ARHGEF40: variants seen among roughly 807,000 people sequenced by gnomAD.
ARHGEF40 encodes Rho guanine nucleotide exchange factor 40, also known as Rho guanine nucleotide exchange factor (GEF) 40.
A neutral mutation model predicts 165.9 loss-of-function variants in ARHGEF40; 98 were observed. That is an observed-to-expected ratio of 0.59 (90% CI 0.50 to 0.70). ARHGEF40 has a LOEUF of 0.70. Ranked by LOEUF, ARHGEF40 falls within the 30% of genes least tolerant of loss-of-function variation. ARHGEF40 has a pLI of 0.00. For missense variants in ARHGEF40, 1,815 were observed against 1,968.0 expected (o/e 0.92, Z 1.47); for synonymous variants, 792 against 814.3 (o/e 0.97, Z 0.47).
chr14:21,074,340 G>C lies in ARHGEF40; in HGVS notation c.610G>C (p.Glu204Gln). The C allele has an allele frequency of 6.2e-7, 1 of 1,614,152 alleles. No homozygotes were observed. The highest frequency in any genetic ancestry group is 8.5e-7 in the Non-Finnish European group (1 of 1,180,028). Residue 204 changes from glutamate (E) to glutamine (Q), a missense_variant, in exon 3 of 24, where the codon GAA becomes CAA. Glu to Gln is a conservative substitution (Grantham distance 29). Transcript: ENST00000298694. This position sits in a 1 kb window ranked among gnomAD's most constrained non-coding sequence, Gnocchi z 4.8. The stretch of plus-strand genomic sequence containing the variant: ...ACATCAGCCAAGTACACTGCCCCCA[G>C]AACTGCCCTCTGGACCTCCAGGGCT... ...VGHQPSTLPP[E>Q]LPSGPPGLPS...
chr14:21,074,993 T>A lies in ARHGEF40; in HGVS notation c.1263T>A (p.Ser421Arg). The A allele has an allele frequency of 6.2e-7, 1 of 1,612,928 alleles. No individual in the cohort carries two copies. Among genetic ancestry groups the A allele is most frequent in the Non-Finnish European group, 8.5e-7 (1 of 1,179,710 alleles). The change falls in exon 3 of 24, where the codon AGT becomes AGA. Residue 421 changes from serine to arginine, a missense_variant. Physicochemically the swap from Ser to Arg is moderately radical, Grantham distance 110 (BLOSUM62 -1). Coordinates refer to ENST00000298694, the MANE Select transcript of ARHGEF40 (RefSeq NM_018071.5). This position sits in a 1 kb window ranked among gnomAD's most constrained non-coding sequence, Gnocchi z 4.8. ...QEALGNLPSP[S>R]EHKLPECHLV... Reference sequence around the variant, plus strand: ...CCCTTGGCAATCTGCCCTCACCAAGTGAGCACAAGCTTCCAGAATGCCACC... The same window carrying A: ...CCCTTGGCAATCTGCCCTCACCAAGAGAGCACAAGCTTCCAGAATGCCACC...
chr14:21,075,642 C>T lies in ARHGEF40; in HGVS notation c.1619-3C>T. On this transcript the variant is annotated splice_polypyrimidine_tract_variant and splice_region_variant and intron_variant, in intron 4 of 23. Transcript: ENST00000298694. This position sits in a 1 kb window ranked among gnomAD's most constrained non-coding sequence, Gnocchi z 4.5. Reference sequence around the variant, plus strand: ...GGACAGCCTGGCCATTTTGTGTCTTCAGGAGGGGTGGACCAGAGTGGGCGA... The same window carrying T: ...GGACAGCCTGGCCATTTTGTGTCTTTAGGAGGGGTGGACCAGAGTGGGCGA... The T allele has an allele frequency of 6.2e-7, 1 of 1,614,056 alleles. No homozygotes were observed. Among genetic ancestry groups the T allele is most frequent in the East Asian group, 2.2e-5 (1 of 44,878 alleles).
chr14:21,084,631 C>T, intron 17 of ARHGEF40, 122 bp from the exon 18 acceptor site: 1 of 1,116,044 alleles, frequency 9.0e-7, no homozygotes, highest in Non-Finnish European at 1.3e-6. Flanking sequence ...GCTTCCCTGA[C>T]TTCCTGACTC....
At chr14:21,084,975 G>A (rs1221480611) in intron 18 of ARHGEF40, 52 bp downstream of exon 18, 2 of 1,584,394 alleles carry the variant, frequency 1.3e-6, no homozygotes, top group Non-Finnish European at 1.7e-6. Flanking sequence ...TTCTCTTCTT[G>A]AGAACTCAGG....
chr14:21,083,417 G>A (rs1175515799), intron 16 of ARHGEF40, among the ~76,000 whole-genome samples: 1 of 151,952 alleles, frequency 6.6e-6, no homozygotes, highest in Non-Finnish European at 1.5e-5. Context: ...AGGCGTGGTG[G>A]CGGGCACCTG....
chr14:21,074,732 T>G lies in ARHGEF40; in HGVS notation c.1002T>G (p.Ser334=). ...AVPEAAVLEV[S]EPPAEAVGEA... ...CAGAGGCAGCAGTCTTGGAGGTGTC[T>G]GAGCCCCCAGCAGAGGCTGTGGGAG... Residue 334 remains serine, a synonymous_variant, in exon 3 of 24, where the codon TCT becomes TCG. Transcript: ENST00000298694. This position sits in a 1 kb window ranked among gnomAD's most constrained non-coding sequence, Gnocchi z 4.8. 6.2e-7 allele frequency: 1 copy of G among 1,604,868 alleles called. No individual in the cohort carries two copies. The highest frequency in any genetic ancestry group is 8.5e-7 in the Non-Finnish European group (1 of 1,176,514).
At chr14:21,085,009 C>T in intron 18 of ARHGEF40, 86 bp downstream of exon 18, 3 of 1,502,920 alleles carry the variant, frequency 2.0e-6, no homozygotes, top group South Asian at 1.3e-5. Context: ...TCAGCCCCAA[C>T]AGAGGTTCAG....
chr14:21,066,193 G>A (rs1327943102), upstream of ARHGEF40, among the ~76,000 whole-genome samples: 2 of 152,176 alleles, frequency 1.3e-5, no homozygotes, highest in Non-Finnish European at 1.5e-5. Flanking sequence ...GTCACCACAG[G>A]GCTATGGTAA....
rs1160740951 is a variant in ARHGEF40 at position 21,076,382 on chromosome 14, C to T, written c.1762C>T (p.Leu588=). Residue 588 remains leucine (L), a synonymous_variant, in exon 6 of 24, where the codon CTG becomes TTG. Transcript: ENST00000298694. ...LLRPDLQTLG[L]SVLLDLRQAP... ...CAGGCCTGATCTACAGACACTGGGG[C>T]TGTCCGTCCTGCTGGACCTTCGTCA... 1 of 1,613,350 alleles carries T rather than the reference C, an allele frequency of 6.2e-7. No homozygotes were observed. Among genetic ancestry groups the T allele is most frequent in the African/African-American group, 1.3e-5 (1 of 74,940 alleles).
intron 14 of ARHGEF40, 35 bp from the exon 15 acceptor site, chr14:21,082,209 C>T: frequency 6.3e-7 from 1 of 1,587,782 alleles, no homozygotes; most frequent in East Asian, 2.3e-5. Flanking sequence ...TGGCTCCCTC[C>T]CACACCTCCT....
rs74937678 is a variant in ARHGEF40 at position 21,090,000 on chromosome 14, T to C, written c.*992T>C. The C allele has an allele frequency of 0.013, 3,304 of 246,438 alleles. 115 individuals are homozygous for C. The highest frequency in any genetic ancestry group is 0.07 in the African/African-American group (3,119 of 44,338). 15.3% of individuals were successfully genotyped at this position (246,438 alleles called of 1,614,324 possible). ...AAACTCTTTGGGTGATAACTAAGTG[T>C]CTGAAGAGGTGACTATTTCCTGACA... is the stretch of plus-strand genomic sequence containing the variant. On this transcript the variant is annotated 3_prime_UTR_variant, in exon 24 of 24. Coordinates refer to ENST00000298694, the MANE Select transcript of ARHGEF40 (RefSeq NM_018071.5).
rs1385992001 is a variant in ARHGEF40 at position 21,075,163 on chromosome 14, G to T, written c.1433G>T (p.Gly478Val). 4 of 1,603,042 alleles carry T rather than the reference G, an allele frequency of 2.5e-6. No homozygotes were observed. The African/African-American group carries it at 5.4e-5, about 22-fold the overall frequency. ...GGAGAGAGAGAGCTGGAGGGGCCAG[G>T]CCTGCTGTGTATGGCAGGTGAGATG... Reference protein sequence around the residue: ...GAGERELEGPGLLCMAGHTGP... With the variant: ...GAGERELEGPVLLCMAGHTGP... The change falls in exon 3 of 24, where the codon GGC (glycine) becomes GTC (valine). Residue 478 changes from glycine (G) to valine (V), a missense_variant. Gly to Val is a moderately radical substitution (Grantham distance 109, BLOSUM62 -3). Coordinates refer to ENST00000298694, the MANE Select transcript of ARHGEF40 (RefSeq NM_018071.5). The surrounding 1 kb of genome is among the most constrained non-coding windows in gnomAD (Gnocchi z 4.5).
At chr14:21,062,974 T>A in the ARHGEF40 span, among the ~76,000 whole-genome samples, 225 of 151,070 alleles carry the variant, frequency 1.5e-3, no homozygotes, top group Non-Finnish European at 2.3e-3. Context: ...AAAATTGTTT[T>A]AATTAGCCAG....
In ARHGEF40 at chr14:21,083,816, GT is replaced by G; in HGVS notation, c.3574-18del. ...AGGCTCCACCCCTCCCCTCATCCCT[GT>G]CTGTGTCCTCAACCTAGGGCTCCAT... On this transcript the variant is annotated intron_variant, in intron 16 of 23. Transcript: ENST00000298694. The G allele has an allele frequency of 6.2e-7, 1 of 1,604,650 alleles. No individual in the cohort carries two copies. The highest frequency in any genetic ancestry group is 8.5e-7 in the Non-Finnish European group (1 of 1,173,650).
intron 18 of ARHGEF40, among the ~76,000 whole-genome samples, chr14:21,085,276 G>C (rs1888246362): frequency 6.6e-6 from 1 of 152,182 alleles, no homozygotes; most frequent in South Asian, 2.1e-4. Flanking sequence ...TCCAAGAAGA[G>C]GGAGGCCTTG....
intron 11 of ARHGEF40, among the ~76,000 whole-genome samples, chr14:21,080,434 G>A (rs1887803398): frequency 6.6e-6 from 1 of 152,074 alleles, no homozygotes; most frequent in African/African-American, 2.4e-5. Flanking sequence ...CTTCCCATCA[G>A]CCCAGCTTCC....
intron 11 of ARHGEF40, among the ~76,000 whole-genome samples, chr14:21,079,464 A>G (rs1039450028): frequency 3.3e-5 from 5 of 152,192 alleles, no homozygotes; most frequent in African/African-American, 1.2e-4. Context: ...AGGAGAGAGC[A>G]TTGAAAGCAC....
chr14:21,083,638 T>TA (rs1888108031), intron 16 of ARHGEF40, among the ~76,000 whole-genome samples, 197 bp from the exon 17 acceptor site: 1 of 152,346 alleles, frequency 6.6e-6, no homozygotes, highest in South Asian at 2.1e-4. Context: ...CCCTTCAAGA[T>TA]ATAGACAGTG....
At position 21,074,075 on chromosome 14, in the gene ARHGEF40, A is replaced by G. The variant is rs1887192173; in HGVS notation, c.345A>G (p.Gln115=). The part of the protein sequence containing the change: ...FYLQVVPSAA[Q]APRLALKCLA... ...TGCAGGTGGTGCCCTCAGCTGCCCA[A>G]GCACCCCGACTAGCACTCAAGTGTC... Residue 115 remains glutamine, a synonymous_variant, in exon 3 of 24, where the codon CAA becomes CAG. Coordinates refer to ENST00000298694, the MANE Select transcript of ARHGEF40 (RefSeq NM_018071.5). This position sits in a 1 kb window ranked among gnomAD's most constrained non-coding sequence, Gnocchi z 4.8. The G allele has an allele frequency of 1.2e-6, 2 of 1,613,996 alleles. No homozygotes were observed. Among genetic ancestry groups the G allele is most frequent in the South Asian group, 1.1e-5 (1 of 91,094 alleles).
Sources: gnomAD v4.1 joint callset for allele counts (sites outside exome capture counted in the v4.1 genomes callset) on GRCh38, gnomAD v4.1.1 for gene constraint, Gnocchi (gnomAD v3.1) non-coding constraint, MANE v1.5 for transcripts, NCBI Gene and HGNC (gene_info 2026-07-23, HGNC 2026-07-21) for gene names.